Variants in PPARGC1A observed in about 807,000 individuals in gnomAD.
PPARGC1A encodes the protein PPARG coactivator 1 alpha.
PPARGC1A carries 25 observed loss-of-function variants against 88.7 expected under a neutral mutation model. The observed-to-expected ratio is 0.28, with a 90% confidence interval of 0.21 to 0.39. The LOEUF is 0.39. Ranked by LOEUF, PPARGC1A falls within the 10% of genes least tolerant of loss-of-function variation. The pLI, the probability that PPARGC1A is intolerant of heterozygous loss-of-function variation, is 1.00. For missense variants in PPARGC1A, 880 were observed against 968.7 expected (o/e 0.91, Z 1.22); for synonymous variants, 363 against 355.6 (o/e 1.02, Z -0.24).
chr4:24,354,406 C>T, the PPARGC1A span, among the ~76,000 whole-genome samples: 2 of 152,172 alleles, frequency 1.3e-5, no homozygotes, highest in Admixed American at 1.3e-4. Context: ...CTGACTACCA[C>T]ACAAGAGCAC....
At chr4:24,245,217 A>G in the PPARGC1A span, among the ~76,000 whole-genome samples, 1 of 152,228 alleles carries the variant, frequency 6.6e-6, no homozygotes, top group Non-Finnish European at 1.5e-5. Flanking sequence ...GTTAATGGGA[A>G]TTGAAGTGAT....
the PPARGC1A span, among the ~76,000 whole-genome samples, chr4:24,179,082 T>A: frequency 6.6e-6 from 1 of 152,180 alleles, no homozygotes; most frequent in Non-Finnish European, 1.5e-5. Flanking sequence ...ACTCTTCACA[T>A]CTCTTTATGA....
At chr4:24,252,340 C>T in the PPARGC1A span, among the ~76,000 whole-genome samples, 299 of 152,262 alleles carry the variant, frequency 2.0e-3, 2 homozygotes, top group African/African-American at 7.0e-3. Flanking sequence ...TTAGGAACCA[C>T]GGCCTTAGGG....
At chr4:24,320,565 G>A in the PPARGC1A span, among the ~76,000 whole-genome samples, 3 of 152,236 alleles carry the variant, frequency 2.0e-5, no homozygotes, top group South Asian at 6.2e-4. Context: ...TAAGCATCAG[G>A]AACTTGAAAA....
the PPARGC1A span, among the ~76,000 whole-genome samples, chr4:24,019,915 C>T: frequency 6.6e-6 from 1 of 152,164 alleles, no homozygotes; most frequent in Non-Finnish European, 1.5e-5. Context: ...GATCATGCTC[C>T]ATTTCTACAG....
the PPARGC1A span, among the ~76,000 whole-genome samples, chr4:24,132,231 C>A: frequency 6.6e-6 from 1 of 151,768 alleles, no homozygotes; most frequent in Non-Finnish European, 1.5e-5. Flanking sequence ...ATTCCCTATT[C>A]TTTATAAGGC....
At chr4:24,278,057 C>G in the PPARGC1A span, among the ~76,000 whole-genome samples, 11 of 152,016 alleles carry the variant, frequency 7.2e-5, no homozygotes, top group African/African-American at 2.7e-4. Flanking sequence ...TGCTTGTAGT[C>G]CCAGCTACTC....
chr4:24,295,802 T>C, the PPARGC1A span, among the ~76,000 whole-genome samples: 4 of 151,058 alleles, frequency 2.6e-5, no homozygotes, highest in Non-Finnish European at 5.9e-5. Context: ...GATGCATCCT[T>C]TAAATTGTTT....
At chr4:24,335,541 T>C in the PPARGC1A span, among the ~76,000 whole-genome samples, 5 of 152,228 alleles carry the variant, frequency 3.3e-5, no homozygotes, top group Admixed American at 3.3e-4. Flanking sequence ...GGTATTCCCA[T>C]TTTATGGATT....
At chr4:24,165,607 G>A in the PPARGC1A span, among the ~76,000 whole-genome samples, 2 of 152,082 alleles carry the variant, frequency 1.3e-5, no homozygotes, top group Non-Finnish European at 2.9e-5. Context: ...TCATGTCTCT[G>A]TATCACATTT....
the PPARGC1A span, among the ~76,000 whole-genome samples, chr4:24,248,407 G>C: frequency 6.6e-6 from 1 of 152,034 alleles, no homozygotes; most frequent in East Asian, 1.9e-4. Context: ...TTACAGGCGT[G>C]AGAACCCTGT....
the PPARGC1A span, among the ~76,000 whole-genome samples, chr4:24,372,986 GGGACAC>G: frequency 2.0e-4 from 30 of 152,286 alleles, no homozygotes; most frequent in South Asian, 6.2e-3. Context: ...ACCAGCCCGG[GGGACAC>G]TTAGAGCTTC....
chr4:24,148,232 C>A, the PPARGC1A span, among the ~76,000 whole-genome samples: 1 of 152,192 alleles, frequency 6.6e-6, no homozygotes, highest in Non-Finnish European at 1.5e-5. Flanking sequence ...TGCTAGAACA[C>A]CTGCTTTGGA....
chr4:24,425,825 A>C, the PPARGC1A span, among the ~76,000 whole-genome samples: 1 of 152,232 alleles, frequency 6.6e-6, no homozygotes, highest in Non-Finnish European at 1.5e-5. Flanking sequence ...ATGGTGCCGA[A>C]TTCCTGATTT....
chr4:24,119,140 C>G, the PPARGC1A span, among the ~76,000 whole-genome samples: 2 of 152,108 alleles, frequency 1.3e-5, no homozygotes, highest in African/African-American at 4.8e-5. Flanking sequence ...AGTGAGGGAG[C>G]CTCTTTTGTC....
At chr4:24,346,359 C>T in the PPARGC1A span, among the ~76,000 whole-genome samples, 1 of 152,084 alleles carries the variant, frequency 6.6e-6, no homozygotes, top group African/African-American at 2.4e-5. Context: ...GGATTGGTAA[C>T]AATTCTTCCT....
the PPARGC1A span, among the ~76,000 whole-genome samples, chr4:24,124,148 A>G: frequency 6.6e-6 from 1 of 152,144 alleles, no homozygotes; most frequent in African/African-American, 2.4e-5. Context: ...CGGATACACT[A>G]TCTTGCAATG....
chr4:23,910,394 T>C, the PPARGC1A span, among the ~76,000 whole-genome samples: 1 of 112,174 alleles, frequency 8.9e-6, no homozygotes, highest in African/African-American at 3.5e-5. Context: ...ATTATATATA[T>C]TATATATATA....
intron 2 of PPARGC1A, among the ~76,000 whole-genome samples, chr4:23,858,180 A>G (rs1730547117): frequency 6.6e-6 from 1 of 152,062 alleles, no homozygotes; most frequent in African/African-American, 2.4e-5. Flanking sequence ...ATTCTGTCAA[A>G]ATGCATACCC....
Sources: allele counts gnomAD v4.1 joint callset (sites outside exome capture counted in the v4.1 genomes callset), GRCh38; gene constraint gnomAD v4.1.1; transcripts MANE v1.5; gene names NCBI Gene and HGNC (gene_info 2026-07-23, HGNC 2026-07-21).